The following ARPP21 variants were observed in gnomAD, a reference collection of about 807,000 sequenced individuals.
The protein encoded by ARPP21 is cAMP-regulated phosphoprotein 21.
In ARPP21, 69 loss-of-function variants were observed where a neutral mutation model predicts 113.2. That is an observed-to-expected ratio of 0.61 (90% confidence interval 0.50 to 0.74). The LOEUF is 0.74. ARPP21 is among the 30% of genes least tolerant of loss of function. The probability of loss-of-function intolerance (pLI) is 0.00; values close to 1 mark genes in which losing one functional copy is unlikely to be tolerated. For missense variants in ARPP21, 1,070 were observed against 1,037.4 expected, an observed-to-expected ratio of 1.03 and a Z score of -0.43; for synonymous variants, 368 against 375.5, an observed-to-expected ratio of 0.98 and a Z score of 0.23.
intron 19 of ARPP21, among the ~76,000 whole-genome samples, chr3:35,791,935 T>A (rs930599892): frequency 6.6e-6 from 1 of 152,232 alleles, no homozygotes; most frequent in Non-Finnish European, 1.5e-5. Context: ...GGTCTCTATG[T>A]GTGAAATGAG....
At chr3:35,706,845 C>T (rs998167618) in intron 9 of ARPP21, 129 bp from the exon 10 acceptor site, 9 of 631,144 alleles carry the variant, frequency 1.4e-5, no homozygotes, top group Non-Finnish European at 2.5e-5. Flanking sequence ...ATATTGCCAG[C>T]AACTCTAGTA....
intron 15 of ARPP21, among the ~76,000 whole-genome samples, chr3:35,733,130 C>A (rs1389090494): frequency 1.3e-5 from 2 of 151,824 alleles, no homozygotes; most frequent in African/African-American, 4.8e-5. Context: ...ATGATTACTT[C>A]ACTTCTTGTG....
At chr3:35,662,228 G>A (rs1365274021) in intron 1 of ARPP21, among the ~76,000 whole-genome samples, 2 of 152,188 alleles carry the variant, frequency 1.3e-5, no homozygotes, top group Non-Finnish European at 2.9e-5. Flanking sequence ...TGTGCGTACT[G>A]TATGTAGTTT....
chr3:35,670,270 A>G (rs889482252), intron 1 of ARPP21, among the ~76,000 whole-genome samples: 6 of 152,138 alleles, frequency 3.9e-5, no homozygotes, highest in South Asian at 2.1e-4. Context: ...GGAACACCCA[A>G]TTAGGAGAGT....
chr3:35,677,296 A>C (rs747335551), intron 1 of ARPP21, among the ~76,000 whole-genome samples: 10 of 151,954 alleles, frequency 6.6e-5, no homozygotes, highest in Non-Finnish European at 1.5e-4. Flanking sequence ...ACAGACACAC[A>C]CACATACACT....
At chr3:35,748,328 GA>G (rs1199950347) in intron 19 of ARPP21, among the ~76,000 whole-genome samples, 1 of 121,836 alleles carries the variant, frequency 8.2e-6, no homozygotes, top group Non-Finnish European at 1.7e-5. Context: ...GAAAAAGAAA[GA>G]AAGAAAGAAA....
At chr3:35,770,261 T>A (rs555518568) in intron 19 of ARPP21, among the ~76,000 whole-genome samples, 52 of 152,240 alleles carry the variant, frequency 3.4e-4, no homozygotes, top group African/African-American at 1.2e-3. Context: ...ATTCCTCCTT[T>A]TATTCATTTC....
At chr3:35,660,461 C>T (rs1345641859) in intron 1 of ARPP21, among the ~76,000 whole-genome samples, 1 of 152,138 alleles carries the variant, frequency 6.6e-6, no homozygotes, top group Non-Finnish European at 1.5e-5. Context: ...TAAAAGTGCA[C>T]CTCACTTTTT....
chr3:35,671,265 C>A (rs1210161404), intron 1 of ARPP21, among the ~76,000 whole-genome samples: 1 of 152,088 alleles, frequency 6.6e-6, no homozygotes, highest in African/African-American at 2.4e-5. Context: ...TTGCGTTTTC[C>A]ATTTAAACAC....
chr3:35,789,753 G>A (rs1039419723), intron 19 of ARPP21, among the ~76,000 whole-genome samples: 2 of 152,072 alleles, frequency 1.3e-5, no homozygotes, highest in African/African-American at 2.4e-5. Context: ...TACTAGGATG[G>A]GGCCACCCAA....
chr3:35,681,987 A>G, intron 3 of ARPP21, 107 bp downstream of exon 3: 1 of 1,287,152 alleles, frequency 7.8e-7, no homozygotes, highest in Non-Finnish European at 1.0e-6. Flanking sequence ...TTCACTGGTT[A>G]TATCATTAGG....
chr3:35,698,813 G>T (rs948524335), intron 9 of ARPP21, among the ~76,000 whole-genome samples: 1 of 151,572 alleles, frequency 6.6e-6, no homozygotes. Flanking sequence ...AAATTCAGCA[G>T]AGAACCAAAT....
In ARPP21 at chr3:35,793,653, A is replaced by G. The variant is rs138210543; in HGVS notation, c.2287-48A>G. 3.9e-5 allele frequency: 55 copies of G among 1,417,066 alleles called. No homozygotes were observed. In the African/African-American group the frequency reaches 5.1e-4, roughly 13 times the overall value. The allele number at this position is 1,417,066 out of a possible 1,614,324, so 87.8% of individuals were successfully genotyped here. A position where few individuals can be genotyped will look rare whatever the true frequency, so the allele number is the denominator to read the frequency against. On this transcript the variant is annotated intron_variant, in intron 20 of 20. Transcript: ENST00000684406. ...TGACACCATGTTGTTTATTGTACAG[A>G]CCAAAATAGTCTCTTCATACAGGGT...
chr3:35,652,828 T>C (rs538033448), intron 1 of ARPP21, among the ~76,000 whole-genome samples: 2 of 152,162 alleles, frequency 1.3e-5, no homozygotes, highest in African/African-American at 4.8e-5. Flanking sequence ...TATTTCTGTA[T>C]TGATTAGGTC....
chr3:35,721,643 G>A lies in ARPP21; in HGVS notation c.1034G>A (p.Arg345Gln), dbSNP rs145988544. 1.0e-4 allele frequency: 164 copies of A among 1,613,498 alleles called. No homozygotes were observed. The highest frequency in any genetic ancestry group is 1.3e-4 in the Non-Finnish European group (149 of 1,179,722). The change falls in exon 14 of 21, where the codon CGA becomes CAA. Residue 345 changes from arginine (R) to glutamine (Q), a missense_variant. Transcript: ENST00000684406. The part of the protein sequence containing the change: ...RDGSGRTSGS[R>Q]QSSSENELKW... ...GGCTCAGGGAGAACATCTGGGAGTC[G>A]ACAGAGCAGCTCAGAAAATGAACTC...
chr3:35,707,128 G>T, intron 10 of ARPP21, 46 bp downstream of exon 10: 2 of 1,439,200 alleles, frequency 1.4e-6, no homozygotes, highest in South Asian at 2.3e-5. Flanking sequence ...GTTTTTGAAG[G>T]TGGGCTGACT....
intron 1 of ARPP21, among the ~76,000 whole-genome samples, chr3:35,669,477 A>G (rs924451647): frequency 3.3e-5 from 5 of 152,138 alleles, no homozygotes; most frequent in African/African-American, 1.2e-4. Flanking sequence ...ATTTTATCCT[A>G]GCAATTTCCA....
chr3:35,717,184 A>G, intron 12 of ARPP21, 114 bp from the exon 13 acceptor site: 2 of 598,722 alleles, frequency 3.3e-6, no homozygotes, highest in Non-Finnish European at 6.1e-6. Flanking sequence ...CATCATATAA[A>G]TAAAACTTTG....
intron 11 of ARPP21, among the ~76,000 whole-genome samples, chr3:35,712,523 TGTGTGTGTG>T (rs2091444766): frequency 9.5e-6 from 1 of 105,688 alleles, no homozygotes; most frequent in African/African-American, 4.0e-5. Context: ...TCTGTGTGTG[TGTGTGTGTG>T]TGTGTGTGTG....
Sources: gnomAD v4.1 joint callset for allele counts (sites outside exome capture counted in the v4.1 genomes callset) on GRCh38, gnomAD v4.1.1 for gene constraint, MANE v1.5 for transcripts, NCBI Gene and HGNC (gene_info 2026-07-23, HGNC 2026-07-21) for gene names.